C8orf34: variants seen among roughly 807,000 people sequenced by gnomAD.
C8orf34 encodes uncharacterized protein C8orf34.
A neutral mutation model predicts 68.3 loss-of-function variants in C8orf34; 65 were observed. The observed-to-expected ratio is 0.95, with a 90% CI of 0.78 to 1.17. The LOEUF (loss-of-function observed/expected upper bound fraction) is 1.17. Among genes scored for constraint, C8orf34 ranks in the 50% most tolerant of loss-of-function variants. C8orf34 has a pLI of 0.00. For synonymous variants in C8orf34, 244 were observed against 241.2 expected (o/e 1.01, Z -0.11); for missense variants, 664 against 655.4 (o/e 1.01, Z -0.14).
rs1257603732 is a variant in C8orf34 at position 68,748,355 on chromosome 8, G to T, written c.1404+26918G>T. Among the ~76,000 whole-genome samples, 10 of 147,724 alleles carry T rather than the reference G, an allele frequency of 6.8e-5. No individual in the cohort carries two copies. In the East Asian group the frequency reaches 2.0e-3, roughly 29 times the overall value. On this transcript the variant is annotated intron_variant, in intron 10 of 13. Coordinates refer to ENST00000518698, the MANE Select transcript of C8orf34 (RefSeq NM_052958.4). ...GGACTTCATGTCTAAAACACCAAAA[G>T]CAATGGCAACAAAAGCCAAAATTGA...
intron 1 of C8orf34, among the ~76,000 whole-genome samples, chr8:68,358,793 CCT>C (rs1806859267): frequency 6.6e-6 from 1 of 151,800 alleles, no homozygotes; most frequent in African/African-American, 2.4e-5. Flanking sequence ...GCAGCCTCTG[CCT>C]CTCGGGTTCA....
chr8:68,703,540 A>T (rs977324003), intron 8 of C8orf34, among the ~76,000 whole-genome samples: 2 of 152,084 alleles, frequency 1.3e-5, no homozygotes, highest in Admixed American at 1.3e-4. Flanking sequence ...TTTCTTCCAG[A>T]TCTTATTTCC....
chr8:68,431,006 C>T (rs1480847924), intron 1 of C8orf34, among the ~76,000 whole-genome samples: 3 of 152,092 alleles, frequency 2.0e-5, no homozygotes, highest in Non-Finnish European at 2.9e-5. Context: ...TATTGTCCTA[C>T]CAACTTTAGG....
At chr8:68,772,707 CTTTCTTT>C (rs1234633374) in intron 10 of C8orf34, among the ~76,000 whole-genome samples, 2 of 131,436 alleles carry the variant, frequency 1.5e-5, no homozygotes, top group African/African-American at 5.7e-5. Context: ...CCCTCCCTCT[CTTTCTTT>C]CTTTCTTTCT....
At chr8:68,678,370 T>G (rs1220772976) in intron 8 of C8orf34, among the ~76,000 whole-genome samples, 3 of 152,058 alleles carry the variant, frequency 2.0e-5, no homozygotes, top group Non-Finnish European at 2.9e-5. Flanking sequence ...AACAACACAT[T>G]AGAAAGATCA....
intron 1 of C8orf34, 32 bp from the exon 2 acceptor site, chr8:68,439,467 A>G (rs1399248208): frequency 5.0e-6 from 8 of 1,600,524 alleles, no homozygotes; most frequent in Non-Finnish European, 6.8e-6. Flanking sequence ...TGTTATTATT[A>G]ATTATAATTG....
chr8:68,743,815 C>T lies in C8orf34; in HGVS notation c.1404+22378C>T, dbSNP rs1163421866. On this transcript the variant is annotated intron_variant, in intron 10 of 13. Transcript: ENST00000518698. ...GGCAGCAAGGCTGGGGGAGGGGCGC[C>T]CACCATTGCCCAGGCTTGCTTAGGT... is the stretch of plus-strand genomic sequence containing the variant. Among the ~76,000 whole-genome samples the T allele has an allele frequency of 8.5e-5, 13 of 152,326 alleles. No homozygotes were observed. The East Asian group carries it at 1.4e-3, about 16-fold the overall frequency.
At chr8:68,711,602 C>G (rs1821330416) in intron 9 of C8orf34, among the ~76,000 whole-genome samples, 1 of 151,916 alleles carries the variant, frequency 6.6e-6, no homozygotes, top group Non-Finnish European at 1.5e-5. Flanking sequence ...TCAATTAACC[C>G]AATCCATCAA....
intron 1 of C8orf34, among the ~76,000 whole-genome samples, chr8:68,339,490 A>T (rs76041973): frequency 7.5e-4 from 39 of 51,872 alleles, no homozygotes; most frequent in African/African-American, 2.2e-3. Flanking sequence ...AAAAACTCTT[A>T]AAAAAAAGTT....
intron 1 of C8orf34, among the ~76,000 whole-genome samples, chr8:68,366,745 A>G (rs917912367): frequency 1.4e-5 from 2 of 143,074 alleles, no homozygotes; most frequent in East Asian, 2.3e-4. Flanking sequence ...ACAAAAATCA[A>G]TTCAAGATGG....
chr8:68,383,830 G>A (rs1366466244), intron 1 of C8orf34, among the ~76,000 whole-genome samples: 4 of 152,192 alleles, frequency 2.6e-5, no homozygotes, highest in Non-Finnish European at 5.9e-5. Context: ...CCTGGCACTG[G>A]CCAGGTGCTG....
chr8:68,349,773 T>C (rs1329721647), intron 1 of C8orf34, among the ~76,000 whole-genome samples: 1 of 151,662 alleles, frequency 6.6e-6, no homozygotes, highest in Non-Finnish European at 1.5e-5. Context: ...TAGTTTCTGA[T>C]GGTTGTTTTT....
chr8:68,361,543 A>G (rs1388875582), intron 1 of C8orf34, among the ~76,000 whole-genome samples: 2 of 152,216 alleles, frequency 1.3e-5, no homozygotes, highest in Non-Finnish European at 2.9e-5. Flanking sequence ...CATTAGGGGA[A>G]AATTCATGTT....
chr8:68,703,621 T>G (rs189297624), intron 8 of C8orf34, among the ~76,000 whole-genome samples: 387 of 152,250 alleles, frequency 2.5e-3, no homozygotes, highest in African/African-American at 8.1e-3. Flanking sequence ...GGGATTTTAG[T>G]GCCCAAGGCC....
intron 1 of C8orf34, among the ~76,000 whole-genome samples, chr8:68,435,134 T>C (rs1010480046): frequency 6.7e-6 from 1 of 149,524 alleles, no homozygotes; most frequent in Non-Finnish European, 1.5e-5. Context: ...TATATAATAT[T>C]ACAAGTGTAT....
chr8:68,486,547 G>A (rs571632002), intron 4 of C8orf34, among the ~76,000 whole-genome samples: 1 of 152,248 alleles, frequency 6.6e-6, no homozygotes, highest in East Asian at 1.9e-4. Flanking sequence ...TGTTTCTAGT[G>A]TCATCTACAA....
chr8:68,573,213 G>T (rs1586392918), intron 7 of C8orf34, among the ~76,000 whole-genome samples: 1 of 152,086 alleles, frequency 6.6e-6, no homozygotes, highest in Non-Finnish European at 1.5e-5. Flanking sequence ...AGAGTATACT[G>T]CTCCCCCAAC....
rs553608634 is a variant in C8orf34 at position 68,725,995 on chromosome 8, G to A, written c.1404+4558G>A. Among the ~76,000 whole-genome samples the A allele has an allele frequency of 1.0e-3, 158 of 151,878 alleles. 1 individual carries two copies. The highest frequency in any genetic ancestry group is 3.7e-3 in the African/African-American group (152 of 41,394). ...GTGATCTCAGCTCACTGCAACCTCCGCCTCCTGGGTTCAAGCAATTCTCAT... is the reference window on the plus strand; with the variant it reads ...GTGATCTCAGCTCACTGCAACCTCCACCTCCTGGGTTCAAGCAATTCTCAT... On this transcript the variant is annotated intron_variant, in intron 10 of 13. Transcript: ENST00000518698.
rs775902859 is a variant in C8orf34, at chr8:68,787,368, T to C, written c.1456-75T>C. 2.5e-4 allele frequency: 230 copies of C among 935,056 alleles called. 2 individuals carry two copies. The highest frequency in any genetic ancestry group is 2.2e-3 in the Middle Eastern group (10 of 4,486). The allele number at this position is 935,056 out of a possible 1,614,324, so 57.9% of individuals were successfully genotyped here. On this transcript the variant is annotated intron_variant, in intron 11 of 13. Transcript: ENST00000518698. ...TTTTTGAAGATGCAGTTCATAAAGA[T>C]TGAAGTGATTATCCACATTAATGTT...
Sources: gnomAD v4.1 joint callset for allele counts (sites outside exome capture counted in the v4.1 genomes callset) on GRCh38, gnomAD v4.1.1 for gene constraint, MANE v1.5 for transcripts, NCBI Gene and HGNC (gene_info 2026-07-23, HGNC 2026-07-21) for gene names.